The following ELOVL5 variants were observed in gnomAD, a reference collection of about 807,000 sequenced individuals.
ELOVL5 encodes the protein very long chain fatty acid elongase 5.
Under a neutral mutation model 38.6 loss-of-function variants are expected in ELOVL5, and 8 were observed. That is an observed-to-expected ratio of 0.21 (90% CI 0.12 to 0.37). ELOVL5 has a LOEUF of 0.37. Ranked by LOEUF, ELOVL5 falls within the 10% of genes least tolerant of loss-of-function variation. ELOVL5 has a pLI of 1.00. For synonymous variants in ELOVL5, 127 were observed against 133.7 expected (o/e 0.95, Z 0.34); for missense variants, 280 against 367.8 (o/e 0.76, Z 1.95).
chr6:53,287,901 T>C (rs753104642), intron 3 of ELOVL5: 1 of 1,535,606 alleles, frequency 6.5e-7, no homozygotes, highest in African/African-American at 1.4e-5. Context: ...AAGGATCAGT[T>C]CGTGAGGCAC....
Position 53,280,997 on chromosome 6 carries a change from C to A in ELOVL5, c.247-4741G>T, listed in dbSNP as rs1448358424. Among the ~76,000 whole-genome samples the A allele has an allele frequency of 2.0e-5, 3 of 152,156 alleles. No individual in the cohort carries two copies. The South Asian group carries it at 6.2e-4, about 32-fold the overall frequency. On this transcript the variant is annotated intron_variant, in intron 3 of 7. Coordinates refer to ENST00000304434, the MANE Select transcript of ELOVL5 (RefSeq NM_021814.5). ...TAGCATAATAACCATTTCCATGGCA[C>A]TTTCTGGAATGCTACTGAAACATCT...
chr6:53,281,456 G>A (rs961928146), intron 3 of ELOVL5, among the ~76,000 whole-genome samples: 9 of 152,160 alleles, frequency 5.9e-5, no homozygotes, highest in African/African-American at 2.2e-4. Context: ...ACTGGGATTA[G>A]CACAAAGGAA....
chr6:53,271,803 T>C (rs530368257), intron 6 of ELOVL5, among the ~76,000 whole-genome samples: 64 of 152,096 alleles, frequency 4.2e-4, no homozygotes, highest in African/African-American at 1.4e-3. Flanking sequence ...GACTGAGGAA[T>C]AACTAGGAGT....
intron 2 of ELOVL5, among the ~76,000 whole-genome samples, chr6:53,292,898 A>C (rs1346477215): frequency 3.9e-5 from 6 of 152,192 alleles, no homozygotes; most frequent in Non-Finnish European, 8.8e-5. Context: ...GTAGCATGAG[A>C]GCGAAGACCT....
At chr6:53,323,868 C>T (rs1768400331) in intron 1 of ELOVL5, among the ~76,000 whole-genome samples, 1 of 152,178 alleles carries the variant, frequency 6.6e-6, no homozygotes, top group Non-Finnish European at 1.5e-5. Context: ...GCCACCGCAC[C>T]CGGCCCAATA....
At position 53,269,179 on chromosome 6, in the gene ELOVL5, C is replaced by T. The variant is rs763205035; in HGVS notation, c.848G>A (p.Ser283Asn). The part of the protein sequence containing the change: ...SMAAVNGHTN[S>N]FSPLENNVKP... ...CACATTGTTTTCCAGGGGTGAAAAG[C>T]TGTTGGTGTGTCCATTCACAGCAGC... The change falls in exon 8 of 8, where the codon AGC becomes AAC. Residue 283 changes from serine (S) to asparagine (N), a missense_variant. By Grantham distance (46) the Ser-to-Asn change is conservative (BLOSUM62 1). Coordinates refer to ENST00000304434, the MANE Select transcript of ELOVL5 (RefSeq NM_021814.5). The T allele has an allele frequency of 2.7e-5, 44 of 1,613,906 alleles. No homozygotes were observed. The highest frequency in any genetic ancestry group is 3.4e-5 in the Non-Finnish European group (40 of 1,179,958).
At position 53,273,161 on chromosome 6, in the gene ELOVL5, A is replaced by C. The variant is rs77341998; in HGVS notation, c.621+59T>G. The C allele has an allele frequency of 6.3e-4, 999 of 1,589,594 alleles. 13 individuals are homozygous for C. In the East Asian group the frequency reaches 0.022, roughly 34 times the overall value. On this transcript the variant is annotated intron_variant, in intron 6 of 7. Transcript: ENST00000304434. The stretch of plus-strand genomic sequence containing the variant: ...GATGCTATTACATAACACTAAAGCC[A>C]GGAAGAGGTCTGTATCCACCAGGAA...
intron 1 of ELOVL5, among the ~76,000 whole-genome samples, chr6:53,325,145 G>T (rs1221962039): frequency 1.3e-5 from 2 of 152,130 alleles, no homozygotes; most frequent in Non-Finnish European, 2.9e-5. Flanking sequence ...AAGTTTTCAG[G>T]GAGGTTGCTT....
At chr6:53,297,419 G>C (rs1351781390) in intron 1 of ELOVL5, among the ~76,000 whole-genome samples, 1 of 152,108 alleles carries the variant, frequency 6.6e-6, no homozygotes, top group Non-Finnish European at 1.5e-5. Context: ...ACACAGTTCT[G>C]AGTAGCATGA....
chr6:53,291,969 A>G lies in ELOVL5; in HGVS notation c.59-6T>C, dbSNP rs768898972. 7 of 1,436,722 alleles carry G rather than the reference A, an allele frequency of 4.9e-6. No homozygotes were observed. The highest frequency in any genetic ancestry group is 2.3e-5 in the Admixed American group (1 of 42,864). 89.0% of individuals were successfully genotyped at this position (1,436,722 alleles called of 1,614,324 possible). A position where few individuals can be genotyped will look rare whatever the true frequency, so the allele number is the denominator to read the frequency against. On this transcript the variant is annotated splice_region_variant and splice_polypyrimidine_tract_variant and intron_variant, in intron 2 of 7. Transcript: ENST00000304434. ...CCATCCTTTTACTCTAGTATCTGAA[A>G]AATTAAAAAAAATTAATGATATATA...
intron 7 of ELOVL5, 33 bp from the exon 8 acceptor site, chr6:53,269,303 G>C (rs745851201): frequency 7.1e-7 from 1 of 1,399,822 alleles, no homozygotes; most frequent in East Asian, 2.4e-5. Context: ...AGAACCAAAT[G>C]ACCACAGTTT....
At chr6:53,323,809 C>T (rs1223876187) in intron 1 of ELOVL5, among the ~76,000 whole-genome samples, 1 of 152,034 alleles carries the variant, frequency 6.6e-6, no homozygotes, top group Non-Finnish European at 1.5e-5. Flanking sequence ...TCTCGAACTC[C>T]CGACCATCTG....
At chr6:53,317,832 A>G (rs1218489299) in intron 1 of ELOVL5, among the ~76,000 whole-genome samples, 1 of 129,890 alleles carries the variant, frequency 7.7e-6, no homozygotes, top group Non-Finnish European at 1.6e-5. Context: ...AACAAAAAAA[A>G]ATTAAAAAAA....
chr6:53,274,685 T>C (rs1766046444), intron 5 of ELOVL5, among the ~76,000 whole-genome samples: 2 of 152,214 alleles, frequency 1.3e-5, no homozygotes, highest in Admixed American at 6.5e-5. Flanking sequence ...GACTTCCTAA[T>C]GCATGACAGC....
intron 1 of ELOVL5, among the ~76,000 whole-genome samples, chr6:53,318,414 T>C (rs1405009960): frequency 6.6e-6 from 1 of 152,216 alleles, no homozygotes; most frequent in Non-Finnish European, 1.5e-5. Context: ...AGATGGTTCA[T>C]GTACAGCATT....
intron 1 of ELOVL5, among the ~76,000 whole-genome samples, chr6:53,341,554 C>T (rs1012218353): frequency 6.6e-6 from 1 of 152,194 alleles, no homozygotes; most frequent in Non-Finnish European, 1.5e-5. Context: ...GTCCCTACCT[C>T]GTGGGCTTTT....
chr6:53,329,505 T>C (rs1415747516), intron 1 of ELOVL5, among the ~76,000 whole-genome samples: 1 of 152,184 alleles, frequency 6.6e-6, no homozygotes, highest in Non-Finnish European at 1.5e-5. Flanking sequence ...TTTTAAATGT[T>C]TTTCTCTCAA....
At chr6:53,338,421 A>G (rs191485064) in intron 1 of ELOVL5, among the ~76,000 whole-genome samples, 21 of 152,330 alleles carry the variant, frequency 1.4e-4, no homozygotes, top group African/African-American at 4.8e-4. Flanking sequence ...CTGAAAATGA[A>G]ACCATCACAA....
intron 3 of ELOVL5, among the ~76,000 whole-genome samples, chr6:53,278,509 C>T (rs946880671): frequency 2.0e-5 from 3 of 152,164 alleles, no homozygotes; most frequent in Non-Finnish European, 4.4e-5. Context: ...ACTAGTTAAC[C>T]TAACGTTCCA....
Sources: gnomAD v4.1 joint callset for allele counts (sites outside exome capture counted in the v4.1 genomes callset) on GRCh38, gnomAD v4.1.1 for gene constraint, MANE v1.5 for transcripts, NCBI Gene and HGNC (gene_info 2026-07-23, HGNC 2026-07-21) for gene names.